DCTD: variants seen among roughly 807,000 people sequenced by gnomAD.
DCTD encodes dCMP deaminase, also known as deoxycytidylate deaminase.
DCTD carries 23 observed loss-of-function variants against 21.0 expected under a neutral mutation model. The observed-to-expected ratio is 1.09, with a 90% CI of 0.79 to 1.55. The LOEUF (loss-of-function observed/expected upper bound fraction) is 1.55. Among genes scored for constraint, DCTD ranks in the 40% most tolerant of loss-of-function variants. The probability of loss-of-function intolerance (pLI) is 0.00; values close to 1 mark genes in which losing one functional copy is unlikely to be tolerated. For synonymous variants in DCTD, 71 were observed against 81.1 expected, an observed-to-expected ratio of 0.88 and a Z score of 0.67; for missense variants, 224 against 230.0, an observed-to-expected ratio of 0.97 and a Z score of 0.17.
chr4:182,908,950 C>T (rs1472575663), intron 3 of DCTD, among the ~76,000 whole-genome samples: 2 of 152,090 alleles, frequency 1.3e-5, no homozygotes, highest in East Asian at 3.9e-4. Context: ...CAAACTTCTA[C>T]GAGGTGAACT....
Position 182,915,737 on chromosome 4 carries a change from T to A in DCTD, c.-7-162A>T, listed in dbSNP as rs72553963. ...CAGCACATGGGCCCTAAACAGTCTC[T>A]GGTCTTAAGTAAAAACTTAAGAAAT... On this transcript the variant is annotated intron_variant, in intron 1 of 5. Coordinates refer to ENST00000438320, the MANE Select transcript of DCTD (RefSeq NM_001921.3). 3.6e-3 allele frequency: 2,630 copies of A among 722,700 alleles called. 42 individuals carry two copies. In the African/African-American group the frequency reaches 0.042, roughly 11 times the overall value. 44.8% of individuals were successfully genotyped at this position (722,700 alleles called of 1,614,324 possible).
intron 3 of DCTD, among the ~76,000 whole-genome samples, chr4:182,905,515 G>C (rs538829426): frequency 1.4e-4 from 22 of 151,968 alleles, no homozygotes; most frequent in Non-Finnish European, 1.0e-4. Context: ...TTTTAGTAGA[G>C]ACGGGGTTTC....
At chr4:182,907,714 G>A (rs374331546) in intron 3 of DCTD, among the ~76,000 whole-genome samples, 37 of 152,148 alleles carry the variant, frequency 2.4e-4, no homozygotes, top group African/African-American at 8.2e-4. Flanking sequence ...GACCGAGAAC[G>A]CTTTCAGAAC....
chr4:182,893,261 G>A, intron 4 of DCTD, 134 bp from the exon 5 acceptor site: 1 of 710,162 alleles, frequency 1.4e-6, no homozygotes, highest in Non-Finnish European at 2.6e-6. Context: ...ACAGTGTCCA[G>A]TCACTGAAAT....
At chr4:182,891,670 A>G (rs933222136) in intron 5 of DCTD, among the ~76,000 whole-genome samples, 193 bp from the exon 6 acceptor site, 6 of 152,202 alleles carry the variant, frequency 3.9e-5, no homozygotes, top group South Asian at 2.1e-4. Context: ...AGACAAAAAA[A>G]GATGCATGGG....
At chr4:182,914,485 C>T (rs539758539) in intron 3 of DCTD, among the ~76,000 whole-genome samples, 1 of 152,374 alleles carries the variant, frequency 6.6e-6, no homozygotes, top group Admixed American at 6.5e-5. Context: ...ATGAAGCCTG[C>T]TTCTCATCAG....
At chr4:182,907,518 G>A (rs563557224) in intron 3 of DCTD, among the ~76,000 whole-genome samples, 21 of 152,234 alleles carry the variant, frequency 1.4e-4, no homozygotes, top group African/African-American at 5.1e-4. Flanking sequence ...GTAACCTACA[G>A]TCTGACTGTC....
intron 3 of DCTD, among the ~76,000 whole-genome samples, chr4:182,906,332 T>C (rs1032986466): frequency 6.6e-6 from 1 of 152,150 alleles, no homozygotes; most frequent in African/African-American, 2.4e-5. Context: ...TATTCAATCA[T>C]ATCTGTTTGT....
Position 182,916,332 on chromosome 4 carries a change from G to T in DCTD, c.-7-757C>A, listed in dbSNP as rs1027304614. 3 of 968,032 alleles carry T rather than the reference G, an allele frequency of 3.1e-6. No individual in the cohort carries two copies. In the African/African-American group the frequency reaches 5.3e-5, roughly 17 times the overall value. The allele number at this position is 968,032 out of a possible 1,614,324, so 60.0% of individuals were successfully genotyped here. A position where few individuals can be genotyped will look rare whatever the true frequency, so the allele number is the denominator to read the frequency against. ...TACGGCAGGGAGAGCCCACGAAGGG[G>T]GTCCTAGGACTTCAGGGGAGTGGTC... On this transcript the variant is annotated intron_variant, in intron 1 of 5. Coordinates refer to ENST00000438320, the MANE Select transcript of DCTD (RefSeq NM_001921.3).
rs781191164 is a variant in DCTD at position 182,915,579 on chromosome 4, G to A, written c.-7-4C>T. 1.9e-6 allele frequency: 3 copies of A among 1,572,164 alleles called. No homozygotes were observed. The South Asian group carries it at 3.3e-5, about 17-fold the overall frequency. On this transcript the variant is annotated splice_polypyrimidine_tract_variant and splice_region_variant and intron_variant, in intron 1 of 5. Coordinates refer to ENST00000438320, the MANE Select transcript of DCTD (RefSeq NM_001921.3). ...GGAAACTTCACTCATGTTGGGTCTA[G>A]AAGAAAAACATGACAAAACAGAAGT...
intron 3 of DCTD, among the ~76,000 whole-genome samples, chr4:182,912,107 C>T (rs1485308860): frequency 6.6e-6 from 1 of 151,666 alleles, no homozygotes; most frequent in Non-Finnish European, 1.5e-5. Flanking sequence ...AGGCAGTATC[C>T]CCTTATTTTT....
upstream of DCTD, chr4:182,917,437 C>T (rs1738947644): frequency 5.9e-6 from 5 of 841,810 alleles, no homozygotes; most frequent in Non-Finnish European, 7.1e-6. This position sits in a 1 kb window ranked among gnomAD's most constrained non-coding sequence, Gnocchi z 4.9. Flanking sequence ...GGGCGCCGCG[C>T]GTTCGCAGGA....
At chr4:182,914,865 A>C in intron 3 of DCTD, 58 bp downstream of exon 3, 1 of 1,599,742 alleles carries the variant, frequency 6.3e-7, no homozygotes, top group Non-Finnish European at 8.5e-7. Context: ...CAACTTTCTT[A>C]ATTAGGCACT....
chr4:182,897,610 C>T (rs1734970796), intron 3 of DCTD, among the ~76,000 whole-genome samples: 1 of 152,030 alleles, frequency 6.6e-6, no homozygotes, highest in Non-Finnish European at 1.5e-5. Context: ...TCCAAAATCC[C>T]ACATACGCAA....
intron 3 of DCTD, among the ~76,000 whole-genome samples, chr4:182,913,189 G>A (rs1173322564): frequency 6.6e-6 from 1 of 152,176 alleles, no homozygotes; most frequent in Admixed American, 6.5e-5. Flanking sequence ...CAGTTTCTGA[G>A]TCCGCGCATT....
chr4:182,895,026 C>T (rs961917659), intron 3 of DCTD, among the ~76,000 whole-genome samples: 7 of 152,228 alleles, frequency 4.6e-5, no homozygotes, highest in African/African-American at 1.7e-4. Flanking sequence ...CTGAGCGTGT[C>T]CATCCTGAGG....
At chr4:182,901,713 T>C (rs1285887271) in intron 3 of DCTD, among the ~76,000 whole-genome samples, 2 of 151,914 alleles carry the variant, frequency 1.3e-5, no homozygotes, top group Non-Finnish European at 2.9e-5. Flanking sequence ...TCTACTGGGT[T>C]CCCACCCTGC....
At chr4:182,910,298 T>G (rs1737450566) in intron 3 of DCTD, among the ~76,000 whole-genome samples, 1 of 152,158 alleles carries the variant, frequency 6.6e-6, no homozygotes, top group African/African-American at 2.4e-5. Context: ...AAAATTCCCT[T>G]AAGTTTAACA....
At position 182,890,339 on chromosome 4, in the gene DCTD, G is replaced by C. The variant is rs760400261; in HGVS notation, c.*1060C>G. 6.6e-6 allele frequency: 1 copy of C among 152,282 alleles called. No individual in the cohort carries two copies. The highest frequency in any genetic ancestry group is 1.9e-4 in the East Asian group (1 of 5,174). 9.4% of individuals were successfully genotyped at this position (152,282 alleles called of 1,614,324 possible). On this transcript the variant is annotated 3_prime_UTR_variant, in exon 6 of 6. Transcript: ENST00000438320. ...GGCACAGCCACACGCTCCCCGCCCC[G>C]CGGTGATTAGGAAGGTGATGCTTGT...
Sources: gnomAD v4.1 joint callset for allele counts (sites outside exome capture counted in the v4.1 genomes callset) on GRCh38, gnomAD v4.1.1 for gene constraint, Gnocchi (gnomAD v3.1) non-coding constraint, MANE v1.5 for transcripts, NCBI Gene and HGNC (gene_info 2026-07-23, HGNC 2026-07-21) for gene names.